The following NDUFB9 variants were observed in gnomAD, a reference collection of about 807,000 sequenced individuals.
NDUFB9 encodes the protein NADH:ubiquinone oxidoreductase subunit B9.
A neutral mutation model predicts 30.2 loss-of-function variants in NDUFB9; 24 were observed. That is an observed-to-expected ratio of 0.80 (90% CI 0.58 to 1.12). The LOEUF is 1.12. Among genes scored for constraint, NDUFB9 ranks in the 50% most tolerant of loss-of-function variants. The pLI is 0.00. For missense variants in NDUFB9, 204 were observed against 226.0 expected, an observed-to-expected ratio of 0.90 and a Z score of 0.62; for synonymous variants, 80 against 84.0, an observed-to-expected ratio of 0.95 and a Z score of 0.26.
intron 1 of NDUFB9, chr8:124,542,865 G>T: frequency 5.6e-6 from 2 of 354,038 alleles, no homozygotes; most frequent in Non-Finnish European, 1.0e-5. Flanking sequence ...TGTAAGAGGA[G>T]AAAAATGGTT....
At chr8:124,540,991 C>T (rs576807042) in intron 1 of NDUFB9, among the ~76,000 whole-genome samples, 1 of 152,238 alleles carries the variant, frequency 6.6e-6, no homozygotes, top group East Asian at 1.9e-4. Flanking sequence ...ACATGTGAAA[C>T]CGCGTCTCTA....
chr8:124,547,524 G>T (rs774653938), intron 3 of NDUFB9: 11 of 474,000 alleles, frequency 2.3e-5, no homozygotes, highest in African/African-American at 5.8e-5. Context: ...GAAGCAGAGA[G>T]ACCCTTCTAG....
chr8:124,542,023 C>G (rs916872368), intron 1 of NDUFB9, among the ~76,000 whole-genome samples: 6 of 151,998 alleles, frequency 3.9e-5, no homozygotes, highest in African/African-American at 1.2e-4. Context: ...TCAAGCTATT[C>G]TCCTGCCTTG....
intron 2 of NDUFB9, among the ~76,000 whole-genome samples, chr8:124,544,778 C>T (rs1822114340): frequency 6.6e-6 from 1 of 151,832 alleles, no homozygotes; most frequent in Admixed American, 6.6e-5. Context: ...GTAATTTCCA[C>T]TTGCAAGTTT....
At chr8:124,545,526 G>A (rs541043229) in intron 2 of NDUFB9, among the ~76,000 whole-genome samples, 2 of 152,192 alleles carry the variant, frequency 1.3e-5, no homozygotes, top group South Asian at 2.1e-4. Context: ...TATCAATAAC[G>A]TATTTCTTTT....
At chr8:124,543,737 T>G (rs560341257) in intron 2 of NDUFB9, among the ~76,000 whole-genome samples, 1 of 152,336 alleles carries the variant, frequency 6.6e-6, no homozygotes, top group East Asian at 1.9e-4. Flanking sequence ...GTGTGCTGAC[T>G]GTTTCACCGA....
chr8:124,547,324 T>A, intron 3 of NDUFB9: 1 of 643,748 alleles, frequency 1.6e-6, no homozygotes, highest in Non-Finnish European at 2.8e-6. Context: ...GGCTTTGTCT[T>A]TGATTTTGCT....
At chr8:124,540,357 C>T (rs1821900086) in intron 1 of NDUFB9, among the ~76,000 whole-genome samples, 1 of 152,108 alleles carries the variant, frequency 6.6e-6, no homozygotes, top group Non-Finnish European at 1.5e-5. Flanking sequence ...TTTTGAGCAG[C>T]AGCAGCTCAC....
At chr8:124,540,227 A>G (rs1821890451) in intron 1 of NDUFB9, among the ~76,000 whole-genome samples, 1 of 152,282 alleles carries the variant, frequency 6.6e-6, no homozygotes, top group Admixed American at 6.5e-5. Flanking sequence ...ATGGCCAAGT[A>G]CAATGTGATG....
At chr8:124,540,013 C>G (rs535317044) in intron 1 of NDUFB9, among the ~76,000 whole-genome samples, 1 of 152,290 alleles carries the variant, frequency 6.6e-6, no homozygotes, top group African/African-American at 2.4e-5. Context: ...GGTGGGCTAA[C>G]AACCCAAGAT....
chr8:124,542,959 C>T, intron 1 of NDUFB9, 128 bp from the exon 2 acceptor site: 2 of 906,386 alleles, frequency 2.2e-6, no homozygotes, highest in Non-Finnish European at 3.5e-6. Context: ...ACGGCTGCTC[C>T]ATTGGGAGGG....
intron 1 of NDUFB9, 144 bp from the exon 2 acceptor site, chr8:124,542,943 G>T (rs1822056722): frequency 2.1e-5 from 16 of 776,036 alleles, no homozygotes; most frequent in Non-Finnish European, 3.3e-5. Flanking sequence ...AAGCAGCCAT[G>T]ATGATACGGC....
rs778604920 is a variant in NDUFB9 at position 124,543,096 on chromosome 8, C to G, written c.111C>G (p.Tyr37Ter). Reference protein sequence around the residue: ...LESWCVQRDKYRYFACLMRAR... With the variant: ...LESWCVQRDK ...ATCATTTTGGTTTAAGAGACAAATACCGATACTTTGCTTGTTTGATGAGAG... is the reference window on the plus strand; with the variant it reads ...ATCATTTTGGTTTAAGAGACAAATAGCGATACTTTGCTTGTTTGATGAGAG... Residue 37 changes from tyrosine (Y) to a stop codon, truncating the protein, a stop_gained, in exon 2 of 4, where the codon TAC becomes TAG. Coordinates refer to ENST00000276689, the MANE Select transcript of NDUFB9 (RefSeq NM_005005.3). LOFTEE classifies it high-confidence loss of function. 1.2e-6 allele frequency: 2 copies of G among 1,614,112 alleles called. No individual in the cohort carries two copies. The highest frequency in any genetic ancestry group is 1.7e-6 in the Non-Finnish European group (2 of 1,179,998).
intron 3 of NDUFB9, chr8:124,547,568 T>C: frequency 2.9e-6 from 1 of 346,512 alleles, no homozygotes; most frequent in Non-Finnish European, 5.3e-6. Context: ...AAGGTTGTCA[T>C]GACTAACACT....
Position 124,549,650 on chromosome 8 carries a change from G to T in NDUFB9, c.409-111G>T. 7 of 987,982 alleles carry T rather than the reference G, an allele frequency of 7.1e-6. No homozygotes were observed. The South Asian group carries it at 9.1e-5, about 13-fold the overall frequency. The allele number at this position is 987,982 out of a possible 1,614,324, so 61.2% of individuals were successfully genotyped here. A position where few individuals can be genotyped will look rare whatever the true frequency, so the allele number is the denominator to read the frequency against. Reference sequence around the variant, plus strand: ...TTTCAATATTGTGATCAGATAGTGTGTAATGTCAGTGACACACCATAGACA... The same window carrying T: ...TTTCAATATTGTGATCAGATAGTGTTTAATGTCAGTGACACACCATAGACA... On this transcript the variant is annotated intron_variant, in intron 3 of 3. Transcript: ENST00000276689.
chr8:124,541,324 C>T (rs1821977074), intron 1 of NDUFB9, among the ~76,000 whole-genome samples: 2 of 152,196 alleles, frequency 1.3e-5, no homozygotes. Context: ...ATTAGTAATT[C>T]AGTTACTGAG....
intron 1 of NDUFB9, chr8:124,539,530 C>A: frequency 1.9e-6 from 1 of 534,742 alleles, no homozygotes; most frequent in Non-Finnish European, 3.4e-6. Context: ...AACGGACGCA[C>A]GACCAGCGCA....
intron 3 of NDUFB9, 199 bp downstream of exon 3, chr8:124,547,312 T>A (rs550300068): frequency 2.6e-5 from 17 of 658,332 alleles, no homozygotes; most frequent in Non-Finnish European, 3.8e-5. Context: ...CCTGGTCGTT[T>A]TGGCTTTGTC....
chr8:124,541,207 C>T (rs377731063), intron 1 of NDUFB9, among the ~76,000 whole-genome samples: 1 of 151,996 alleles, frequency 6.6e-6, no homozygotes, highest in African/African-American at 2.4e-5. Flanking sequence ...GATCACCAAC[C>T]GTTCTCTCAA....
Sources: gnomAD v4.1 joint callset for allele counts (sites outside exome capture counted in the v4.1 genomes callset) on GRCh38, gnomAD v4.1.1 for gene constraint, MANE v1.5 for transcripts, NCBI Gene and HGNC (gene_info 2026-07-23, HGNC 2026-07-21) for gene names.